The following IL7 variants were observed in gnomAD, a reference collection of about 807,000 sequenced individuals.
IL7 encodes interleukin 7.
Under a neutral mutation model 21.6 loss-of-function variants are expected in IL7, and 3 were observed. The observed-to-expected ratio is 0.14, with a 90% CI of 0.06 to 0.36. IL7 has a LOEUF of 0.36. IL7 is among the 10% of genes least tolerant of loss of function. The pLI is 1.00. For synonymous variants in IL7, 62 were observed against 68.1 expected (o/e 0.91, Z 0.44); for missense variants, 175 against 200.2 (o/e 0.87, Z 0.76).
At chr8:78,689,941 T>TA (rs1244881144) in intron 3 of IL7, among the ~76,000 whole-genome samples, 2 of 152,202 alleles carry the variant, frequency 1.3e-5, no homozygotes, top group East Asian at 3.9e-4. Context: ...TTTTAGCTCT[T>TA]ACATCTGTAA....
intron 2 of IL7, among the ~76,000 whole-genome samples, chr8:78,793,334 T>G (rs1195506673): frequency 6.6e-6 from 1 of 152,104 alleles, no homozygotes. Context: ...GATTGCATAA[T>G]TTATTGCAGG....
intron 2 of IL7, among the ~76,000 whole-genome samples, chr8:78,795,460 A>G (rs1228564903): frequency 6.6e-6 from 1 of 151,944 alleles, no homozygotes; most frequent in Non-Finnish European, 1.5e-5. Flanking sequence ...AAGAGTAGCC[A>G]TGTTTTGTTT....
At chr8:78,771,944 A>C (rs1812971967) in intron 2 of IL7, among the ~76,000 whole-genome samples, 1 of 152,106 alleles carries the variant, frequency 6.6e-6, no homozygotes. Flanking sequence ...AAAGTAAGTC[A>C]TTTCTAGCCC....
chr8:78,720,296 T>C (rs1811214650), intron 5 of IL7, among the ~76,000 whole-genome samples: 1 of 151,842 alleles, frequency 6.6e-6, no homozygotes, highest in African/African-American at 2.4e-5. Context: ...TTTATTTTCA[T>C]TGAATGTGTA....
intron 3 of IL7, among the ~76,000 whole-genome samples, chr8:78,695,107 G>A (rs886235866): frequency 2.0e-5 from 3 of 152,104 alleles, no homozygotes; most frequent in Non-Finnish European, 4.4e-5. Context: ...AGGGGGAGGT[G>A]AATAATGTTT....
At chr8:78,721,919 A>T (rs72661344) in intron 3 of IL7, among the ~76,000 whole-genome samples, 7,812 of 152,050 alleles carry the variant, frequency 0.051, 277 homozygotes, top group Middle Eastern at 0.082. Context: ...GAAATTGGCC[A>T]TTAAATCAAT....
At chr8:78,742,058 A>G (rs1811801867) in intron 2 of IL7, among the ~76,000 whole-genome samples, 1 of 152,154 alleles carries the variant, frequency 6.6e-6, no homozygotes, top group Non-Finnish European at 1.5e-5. Context: ...TTATGCCTGT[A>G]ATCCCAGCCC....
intron 3 of IL7, among the ~76,000 whole-genome samples, chr8:78,705,589 C>T (rs1420305136): frequency 1.3e-5 from 2 of 152,216 alleles, no homozygotes; most frequent in South Asian, 2.1e-4. Context: ...GCAGTCTGGC[C>T]ACATTTTTAT....
At chr8:78,678,749 T>G (rs2130444782) in intron 4 of IL7, 1 of 1,046,812 alleles carries the variant, frequency 9.6e-7, no homozygotes, top group Non-Finnish European at 1.4e-6. Context: ...ATATTATCTG[T>G]TACAGTAAGG....
Position 78,795,176 on chromosome 8 carries a change from A to G in IL7, c.147+2896T>C, listed in dbSNP as rs77675283. On this transcript the variant is annotated intron_variant, in intron 2 of 5. Coordinates refer to ENST00000263851, the MANE Select transcript of IL7 (RefSeq NM_000880.4). Reference sequence around the variant, plus strand: ...TTAACACATGGAAAGCACTGAGAACATAACAAGCACTTCATAACTATTAGT... The same window carrying G: ...TTAACACATGGAAAGCACTGAGAACGTAACAAGCACTTCATAACTATTAGT... Among the ~76,000 whole-genome samples, 760 of 152,238 alleles carry G rather than the reference A, an allele frequency of 5.0e-3. 6 individuals carry two copies. The highest frequency in any genetic ancestry group is 0.018 in the African/African-American group (739 of 41,562).
intron 1 of IL7, among the ~76,000 whole-genome samples, chr8:78,803,016 GA>G (rs969101038): frequency 2.0e-5 from 3 of 151,812 alleles, no homozygotes; most frequent in African/African-American, 7.3e-5. Flanking sequence ...GTTAAAAGCA[GA>G]AAAAAAAGTC....
At chr8:78,778,083 T>C (rs1356455459) in intron 2 of IL7, among the ~76,000 whole-genome samples, 1 of 152,086 alleles carries the variant, frequency 6.6e-6, no homozygotes, top group Non-Finnish European at 1.5e-5. Flanking sequence ...ACTGTAATTA[T>C]CAGCATTATC....
At chr8:78,715,119 T>C (rs1284336760), downstream of IL7, 1 of 1,002,692 alleles carries the variant, frequency 1.0e-6, no homozygotes, top group Admixed American at 2.9e-5. Flanking sequence ...TTTGAACTTC[T>C]CTGAAGCTTC....
At chr8:78,762,353 G>A in intron 2 of IL7, 1 of 1,612,554 alleles carries the variant, frequency 6.2e-7, no homozygotes, top group East Asian at 2.2e-5. Context: ...AGGGTCCCGC[G>A]GGAAGCTGAA....
intron 3 of IL7, among the ~76,000 whole-genome samples, chr8:78,709,145 T>C (rs1810876753): frequency 6.6e-6 from 1 of 152,188 alleles, no homozygotes; most frequent in Non-Finnish European, 1.5e-5. Flanking sequence ...ATATCAGAGA[T>C]TTACTTCCTT....
intron 4 of IL7, among the ~76,000 whole-genome samples, chr8:78,682,424 T>G (rs975065138): frequency 2.6e-5 from 4 of 152,052 alleles, no homozygotes; most frequent in Non-Finnish European, 5.9e-5. Flanking sequence ...TGGTGGAAGG[T>G]GAAGAAGGAA....
At chr8:78,755,980 T>A (rs1812333301) in intron 2 of IL7, among the ~76,000 whole-genome samples, 1 of 152,034 alleles carries the variant, frequency 6.6e-6, no homozygotes, top group South Asian at 2.1e-4. Flanking sequence ...ATATATGGCC[T>A]TTATTGAGTT....
intron 2 of IL7, 99 bp from the exon 3 acceptor site, chr8:78,740,181 A>T (rs967554425): frequency 7.1e-6 from 5 of 699,392 alleles, no homozygotes; most frequent in Non-Finnish European, 9.9e-6. Flanking sequence ...TGATATTTAT[A>T]TGTGCATTTT....
At chr8:78,774,460 T>A (rs983137319) in intron 2 of IL7, among the ~76,000 whole-genome samples, 4 of 152,126 alleles carry the variant, frequency 2.6e-5, no homozygotes, top group African/African-American at 9.7e-5. Context: ...AAGGTGAACA[T>A]ATACTACTAA....
Sources: allele counts gnomAD v4.1 joint callset (sites outside exome capture counted in the v4.1 genomes callset), GRCh38; gene constraint gnomAD v4.1.1; transcripts MANE v1.5; gene names NCBI Gene and HGNC (gene_info 2026-07-23, HGNC 2026-07-21).